GRID2: variants seen among roughly 807,000 people sequenced by gnomAD.
The protein encoded by GRID2 is glutamate receptor ionotropic, delta-2.
Under a neutral mutation model 114.8 loss-of-function variants are expected in GRID2, and 33 were observed. The observed-to-expected ratio is 0.29, with a 90% CI of 0.22 to 0.38. The LOEUF is 0.38. GRID2 is among the 10% of genes least tolerant of loss of function. GRID2 has a pLI of 1.00. For missense variants in GRID2, 1,184 were observed against 1,257.7 expected (o/e 0.94, Z 0.89); for synonymous variants, 505 against 449.9 (o/e 1.12, Z -1.55).
chr4:92,479,160 G>A (rs1722462420), intron 1 of GRID2, among the ~76,000 whole-genome samples: 1 of 151,956 alleles, frequency 6.6e-6, no homozygotes, highest in African/African-American at 2.4e-5. Flanking sequence ...AATAATGGTG[G>A]GAAATATTAC....
intron 10 of GRID2, among the ~76,000 whole-genome samples, chr4:93,439,391 A>T (rs1486528893): frequency 6.6e-6 from 1 of 152,054 alleles, no homozygotes; most frequent in Non-Finnish European, 1.5e-5. Flanking sequence ...AAAATAGGGG[A>T]TGCAGAAGGA....
chr4:93,582,724 A>C (rs1316240212), intron 13 of GRID2, among the ~76,000 whole-genome samples: 1 of 152,142 alleles, frequency 6.6e-6, no homozygotes, highest in African/African-American at 2.4e-5. Flanking sequence ...TTTAATAATA[A>C]AATAAGGAGA....
intron 2 of GRID2, among the ~76,000 whole-genome samples, chr4:92,838,447 T>A (rs1420292990): frequency 2.0e-5 from 3 of 152,126 alleles, no homozygotes; most frequent in Non-Finnish European, 4.4e-5. Flanking sequence ...GCAAGTTCTC[T>A]GTACTATATA....
chr4:92,409,724 A>G (rs528401208), intron 1 of GRID2, among the ~76,000 whole-genome samples: 10 of 152,322 alleles, frequency 6.6e-5, no homozygotes, highest in South Asian at 2.1e-4. Flanking sequence ...AGTTGATCCA[A>G]TAATTTTTAA....
intron 14 of GRID2, among the ~76,000 whole-genome samples, chr4:93,658,017 G>A (rs906343799): frequency 1.3e-5 from 2 of 152,150 alleles, no homozygotes; most frequent in African/African-American, 4.8e-5. Flanking sequence ...TACTTCCATT[G>A]GGATCCTGTT....
chr4:92,603,083 C>T (rs1163188394), intron 2 of GRID2, among the ~76,000 whole-genome samples: 2 of 152,130 alleles, frequency 1.3e-5, no homozygotes, highest in Non-Finnish European at 2.9e-5. Context: ...ATTCCATGCT[C>T]ATGGATAGGA....
intron 1 of GRID2, among the ~76,000 whole-genome samples, chr4:92,385,894 GTGTGTGTA>G (rs770228947): frequency 0.01 from 832 of 80,964 alleles, 4 homozygotes; most frequent in African/African-American, 0.028. Context: ...GTGTGTGTGT[GTGTGTGTA>G]TATATATATA....
chr4:93,590,645 C>A (rs1278490234), intron 13 of GRID2, among the ~76,000 whole-genome samples: 3 of 152,128 alleles, frequency 2.0e-5, no homozygotes, highest in Non-Finnish European at 2.9e-5. Context: ...TTACCTTGGG[C>A]AGTATGGCCA....
chr4:93,090,422 A>G (rs1730685623), intron 3 of GRID2, among the ~76,000 whole-genome samples: 1 of 152,194 alleles, frequency 6.6e-6, no homozygotes, highest in Admixed American at 6.6e-5. Context: ...ACCATTGCCC[A>G]TAGGCAAAAC....
At chr4:92,449,234 G>A (rs1445363408) in intron 1 of GRID2, among the ~76,000 whole-genome samples, 1 of 152,020 alleles carries the variant, frequency 6.6e-6, no homozygotes, top group South Asian at 2.1e-4. Context: ...GATTATTAAA[G>A]AGACTCAACA....
At chr4:93,005,489 T>C (rs1486734711) in intron 2 of GRID2, among the ~76,000 whole-genome samples, 1 of 152,058 alleles carries the variant, frequency 6.6e-6, no homozygotes, top group Non-Finnish European at 1.5e-5. Flanking sequence ...GCAAGCATGA[T>C]CTTTTCAAAA....
chr4:93,448,630 AGAAGG>A (rs894834931), intron 10 of GRID2, among the ~76,000 whole-genome samples: 1 of 152,026 alleles, frequency 6.6e-6, no homozygotes, highest in African/African-American at 2.4e-5. Flanking sequence ...GAACAGTAAG[AGAAGG>A]CTTTTCACCT....
intron 10 of GRID2, among the ~76,000 whole-genome samples, chr4:93,440,311 G>A (rs1310064329): frequency 6.6e-6 from 1 of 152,112 alleles, no homozygotes; most frequent in East Asian, 1.9e-4. Flanking sequence ...ATGCTTGCAG[G>A]CCTTGTGAAA....
intron 2 of GRID2, among the ~76,000 whole-genome samples, chr4:92,663,805 C>T (rs1206769098): frequency 1.3e-5 from 2 of 151,028 alleles, no homozygotes; most frequent in Non-Finnish European, 3.0e-5. Context: ...ATCCTCCTGT[C>T]CCTGCAGCAC....
At chr4:92,682,178 C>T (rs1733681957) in intron 2 of GRID2, among the ~76,000 whole-genome samples, 1 of 151,780 alleles carries the variant, frequency 6.6e-6, no homozygotes, top group Non-Finnish European at 1.5e-5. Context: ...CAACATGAAT[C>T]TTGTTAAAAG....
intron 13 of GRID2, among the ~76,000 whole-genome samples, chr4:93,582,772 G>A (rs1254637134): frequency 1.3e-5 from 2 of 151,854 alleles, no homozygotes; most frequent in African/African-American, 4.8e-5. Flanking sequence ...TTTAGATTGG[G>A]GAAATAAATA....
At chr4:93,433,116 A>G (rs1343294545) in intron 10 of GRID2, among the ~76,000 whole-genome samples, 2 of 152,190 alleles carry the variant, frequency 1.3e-5, no homozygotes, top group African/African-American at 4.8e-5. Context: ...TACCTCACCA[A>G]TGCAACATAG....
chr4:93,465,138 T>A (rs183955783), intron 11 of GRID2, among the ~76,000 whole-genome samples: 6 of 152,322 alleles, frequency 3.9e-5, no homozygotes, highest in Admixed American at 2.0e-4. Flanking sequence ...ATTGTCATGC[T>A]GAGGAAACAC....
chr4:92,863,578 C>T (rs967236411), intron 2 of GRID2, among the ~76,000 whole-genome samples: 1 of 152,114 alleles, frequency 6.6e-6, no homozygotes, highest in Non-Finnish European at 1.5e-5. Context: ...CAGCTTTTAA[C>T]CAGTAGGGTA....
Sources: allele counts gnomAD v4.1 joint callset (sites outside exome capture counted in the v4.1 genomes callset), GRCh38; gene constraint gnomAD v4.1.1; transcripts MANE v1.5; gene names NCBI Gene and HGNC (gene_info 2026-07-23, HGNC 2026-07-21).